Variants in CSMD1 observed in about 807,000 individuals in gnomAD.
CSMD1 encodes the protein CUB and Sushi multiple domains 1.
CSMD1 carries 213 observed loss-of-function variants against 417.5 expected under a neutral mutation model. That is an observed-to-expected ratio of 0.51 (90% CI 0.46 to 0.57). CSMD1 has a LOEUF of 0.57. Among genes scored for constraint, CSMD1 ranks in the 20% least tolerant of loss-of-function variants. The pLI, the probability that CSMD1 is intolerant of heterozygous loss-of-function variation, is 0.00. For missense variants in CSMD1, 6,923 were observed against 4,529.7 expected (o/e 1.53, Z -15.17); for synonymous variants, 2,862 against 1,736.8 (o/e 1.65, Z -16.11).
intron 26 of CSMD1, chr8:3,279,123 G>A (rs572640234): frequency 6.6e-6 from 1 of 152,302 alleles, no homozygotes; most frequent in East Asian, 1.9e-4. Flanking sequence ...GACTGGCTTT[G>A]GGGTGGTCAG....
At position 4,302,326 on chromosome 8, in the gene CSMD1, A is replaced by G. The variant is rs992249492; in HGVS notation, c.415+117627T>C. On this transcript the variant is annotated intron_variant, in intron 3 of 69. Transcript: ENST00000635120. ...TTAACTCATTAGCTAATAACTGTAAAAATAATAACAATAATAGTGATTCAT... is the reference window on the plus strand; with the variant it reads ...TTAACTCATTAGCTAATAACTGTAAGAATAATAACAATAATAGTGATTCAT... 6.0e-4 allele frequency among the ~76,000 whole-genome samples: 91 copies of G among 152,186 alleles called. 1 individual carries two copies. Among genetic ancestry groups the G allele is most frequent in the Non-Finnish European group, 2.4e-4 (16 of 68,032 alleles).
chr8:4,520,693 T>C (rs9650516), intron 2 of CSMD1, among the ~76,000 whole-genome samples: 44,264 of 152,104 alleles, frequency 0.29, 7,136 homozygotes, highest in East Asian at 0.44. Flanking sequence ...GTCTTGTTTG[T>C]ATGTGAAAGT....
At chr8:3,428,052 A>T (rs1813969864) in intron 12 of CSMD1, among the ~76,000 whole-genome samples, 1 of 152,258 alleles carries the variant, frequency 6.6e-6, no homozygotes. Flanking sequence ...CGTTGCGTCT[A>T]CCATTACTTA....
chr8:4,369,736 C>G (rs572973283), intron 3 of CSMD1, among the ~76,000 whole-genome samples: 1 of 152,182 alleles, frequency 6.6e-6, no homozygotes, highest in Non-Finnish European at 1.5e-5. Context: ...AGATCGTTTT[C>G]TCTAATATAG....
At position 4,843,987 on chromosome 8, in the gene CSMD1, A is replaced by G. The variant is rs187173584; in HGVS notation, c.85+150345T>C. Among the ~76,000 whole-genome samples, 270 of 152,298 alleles carry G rather than the reference A, an allele frequency of 1.8e-3. 2 individuals are homozygous for G. The highest frequency in any genetic ancestry group is 4.9e-4 in the Non-Finnish European group (33 of 68,030). ...TGTTTCTCATGAATCAGCAGGAAAA[A>G]TGAGATTGTGAGACATTTGAGAAGG... On this transcript the variant is annotated intron_variant, in intron 1 of 69. Transcript: ENST00000635120.
chr8:4,202,994 C>G (rs1055321640), intron 3 of CSMD1, among the ~76,000 whole-genome samples: 1 of 152,106 alleles, frequency 6.6e-6, no homozygotes, highest in Non-Finnish European at 1.5e-5. Context: ...ATGTCTGCAT[C>G]GTAATTCCCA....
chr8:4,189,175 C>A (rs561672739), intron 3 of CSMD1, among the ~76,000 whole-genome samples: 63 of 152,370 alleles, frequency 4.1e-4, no homozygotes, highest in African/African-American at 1.5e-3. Context: ...GGTGCACACA[C>A]AGCACGTAAG....
chr8:3,038,601 C>T (rs1482257281), intron 50 of CSMD1, among the ~76,000 whole-genome samples: 1 of 151,960 alleles, frequency 6.6e-6, no homozygotes, highest in African/African-American at 2.4e-5. Context: ...GCCTGCTTTT[C>T]GAGGTCATGG....
intron 16 of CSMD1, among the ~76,000 whole-genome samples, chr8:3,397,844 C>T (rs1472457944): frequency 6.6e-6 from 1 of 152,162 alleles, no homozygotes; most frequent in Non-Finnish European, 1.5e-5. Context: ...CACCGCCTGG[C>T]AATACCATCA....
chr8:4,525,930 G>A (rs901532997), intron 2 of CSMD1, among the ~76,000 whole-genome samples: 1 of 152,090 alleles, frequency 6.6e-6, no homozygotes, highest in Admixed American at 6.6e-5. Flanking sequence ...CCTGAGACCA[G>A]GGGCAGAATA....
intron 12 of CSMD1, among the ~76,000 whole-genome samples, chr8:3,463,117 C>G (rs1055165143): frequency 2.6e-5 from 4 of 152,202 alleles, no homozygotes; most frequent in Non-Finnish European, 5.9e-5. Context: ...CCATTGTCGC[C>G]AAGCCAACTC....
chr8:4,294,033 C>G (rs967234424), intron 3 of CSMD1, among the ~76,000 whole-genome samples: 2 of 152,298 alleles, frequency 1.3e-5, no homozygotes, highest in East Asian at 1.9e-4. Context: ...GACTTCTGTT[C>G]TTTATTGCGT....
intron 1 of CSMD1, among the ~76,000 whole-genome samples, chr8:4,802,590 C>T (rs1323338693): frequency 6.6e-6 from 1 of 152,054 alleles, no homozygotes; most frequent in Non-Finnish European, 1.5e-5. Flanking sequence ...ATGTTTTTTT[C>T]TTACACTTAA....
chr8:4,444,702 C>G lies in CSMD1; in HGVS notation c.303-24637G>C, dbSNP rs571278793. The stretch of plus-strand genomic sequence containing the variant: ...GAAAACATCAAAAAGCAGGGTCACT[C>G]TAAGCACAGGTGCATGAAGGAAAAT... On this transcript the variant is annotated intron_variant, in intron 2 of 69. Transcript: ENST00000635120. Among the ~76,000 whole-genome samples the G allele has an allele frequency of 6.6e-5, 10 of 152,212 alleles. 1 individual carries two copies. The East Asian group carries it at 1.4e-3, about 21-fold the overall frequency.
chr8:3,929,487 G>A (rs1444992442), intron 5 of CSMD1, among the ~76,000 whole-genome samples: 2 of 150,344 alleles, frequency 1.3e-5, no homozygotes, highest in African/African-American at 4.9e-5. Flanking sequence ...GTCTCTGAAG[G>A]ACTCTGCAAT....
rs202180326 is a variant in CSMD1 at position 4,486,138 on chromosome 8, C to T, written c.303-66073G>A. 8.2e-3 allele frequency among the ~76,000 whole-genome samples: 247 copies of T among 30,210 alleles called. 58 individuals carry two copies. Among genetic ancestry groups the T allele is most frequent in the East Asian group, 0.024 (19 of 804 alleles). 19.8% of individuals were successfully genotyped at this position (30,210 alleles called of 152,430 possible). ...ATATACATACATATATATATATATA[C>T]ATACATATATATATATATACATACA... is the stretch of plus-strand genomic sequence containing the variant. On this transcript the variant is annotated intron_variant, in intron 2 of 69. Transcript: ENST00000635120.
intron 3 of CSMD1, among the ~76,000 whole-genome samples, chr8:4,113,525 C>G (rs764224362): frequency 6.6e-6 from 1 of 151,542 alleles, no homozygotes; most frequent in Admixed American, 6.6e-5. Context: ...CTGCCTCTGC[C>G]TCCTGAGTAG....
At chr8:3,617,948 G>T (rs1167196434) in intron 7 of CSMD1, among the ~76,000 whole-genome samples, 1 of 152,122 alleles carries the variant, frequency 6.6e-6, no homozygotes, top group African/African-American at 2.4e-5. Context: ...TGTGGAACTC[G>T]TGAAGCATTT....
At chr8:3,921,359 C>A (rs2627396) in intron 5 of CSMD1, among the ~76,000 whole-genome samples, 1 of 151,910 alleles carries the variant, frequency 6.6e-6, no homozygotes, top group East Asian at 1.9e-4. Context: ...CAGTATTTTT[C>A]ATTTTTCTTT....
Sources: allele counts gnomAD v4.1 joint callset (sites outside exome capture counted in the v4.1 genomes callset), GRCh38; gene constraint gnomAD v4.1.1; transcripts MANE v1.5; gene names NCBI Gene and HGNC (gene_info 2026-07-23, HGNC 2026-07-21).